Variants in LHFPL3 observed in about 807,000 individuals in gnomAD.
The protein encoded by LHFPL3 is LHFPL tetraspan subfamily member 3 protein.
A neutral mutation model predicts 19.3 loss-of-function variants in LHFPL3; 5 were observed. The ratio of observed to expected loss-of-function variants is 0.26; its 90% CI spans 0.14 to 0.54. The LOEUF (loss-of-function observed/expected upper bound fraction) is 0.54. Ranked by LOEUF, LHFPL3 falls within the 20% of genes least tolerant of loss-of-function variation. The pLI is 0.94. For synonymous variants in LHFPL3, 133 were observed against 126.2 expected, an observed-to-expected ratio of 1.05 and a Z score of -0.36; for missense variants, 249 against 307.4, an observed-to-expected ratio of 0.81 and a Z score of 1.42.
intron 2 of LHFPL3, among the ~76,000 whole-genome samples, chr7:104,834,014 G>A (rs538886967): frequency 8.0e-5 from 12 of 149,452 alleles, no homozygotes; most frequent in East Asian, 6.1e-4. Flanking sequence ...TTTAGAGTCC[G>A]ATGTTTGAGG....
At chr7:104,793,349 A>G (rs1488814887) in intron 2 of LHFPL3, among the ~76,000 whole-genome samples, 2 of 152,232 alleles carry the variant, frequency 1.3e-5, no homozygotes, top group Non-Finnish European at 2.9e-5. Context: ...TTAAATCAAC[A>G]TGAAAGCAGG....
intron 1 of LHFPL3, among the ~76,000 whole-genome samples, chr7:104,490,990 A>G (rs2115691650): frequency 6.6e-6 from 1 of 152,238 alleles, no homozygotes. Context: ...CTAGGCTTCC[A>G]AGTTCCTGTA....
intron 1 of LHFPL3, among the ~76,000 whole-genome samples, chr7:104,331,421 G>A (rs1482693358): frequency 6.6e-6 from 1 of 151,862 alleles, no homozygotes; most frequent in East Asian, 1.9e-4. Flanking sequence ...TTTATTTCTA[G>A]GTAAACTATA....
Position 104,407,628 on chromosome 7 carries a change from C to T in LHFPL3, c.445+78404C>T, listed in dbSNP as rs543396354. 2.4e-4 allele frequency among the ~76,000 whole-genome samples: 37 copies of T among 152,264 alleles called. No homozygotes were observed. The South Asian group carries it at 7.5e-3, about 31-fold the overall frequency. ...CTGAGATTGCGCCATTGCACTCCAG[C>T]CTGGGCGACAAGAGTGAAACTCTGT... On this transcript the variant is annotated intron_variant, in intron 1 of 2. Coordinates refer to ENST00000424859, the MANE Select transcript of LHFPL3 (RefSeq NM_199000.3).
At chr7:104,739,274 A>G (rs931736863) in intron 2 of LHFPL3, among the ~76,000 whole-genome samples, 1 of 152,186 alleles carries the variant, frequency 6.6e-6, no homozygotes, top group Non-Finnish European at 1.5e-5. Flanking sequence ...ATTGTTTGGT[A>G]TTATTTAAAC....
chr7:104,869,212 T>C (rs1451511678), intron 2 of LHFPL3, among the ~76,000 whole-genome samples: 7 of 152,084 alleles, frequency 4.6e-5, no homozygotes, highest in Admixed American at 1.3e-4. Context: ...CCAAAAGCAA[T>C]GGCAACAAAA....
chr7:104,408,215 G>A (rs1459249190), intron 1 of LHFPL3, among the ~76,000 whole-genome samples: 1 of 152,034 alleles, frequency 6.6e-6, no homozygotes, highest in African/African-American at 2.4e-5. Context: ...TTCTTTTCTG[G>A]CTTTAACAGT....
chr7:104,645,232 T>G (rs1255395090), intron 1 of LHFPL3, among the ~76,000 whole-genome samples: 1 of 152,228 alleles, frequency 6.6e-6, no homozygotes, highest in Non-Finnish European at 1.5e-5. Context: ...CTCTGTTTAA[T>G]GATGCATTTC....
intron 1 of LHFPL3, among the ~76,000 whole-genome samples, chr7:104,361,843 G>A (rs145194291): frequency 1.3e-3 from 200 of 152,220 alleles, no homozygotes; most frequent in African/African-American, 4.3e-3. Flanking sequence ...AAATCTATCC[G>A]GATTAAAAAA....
intron 2 of LHFPL3, among the ~76,000 whole-genome samples, chr7:104,814,633 C>T (rs534706528): frequency 7.8e-4 from 119 of 152,322 alleles, no homozygotes; most frequent in Non-Finnish European, 1.3e-3. Context: ...CTCCCTCTGC[C>T]TTTCATGACA....
intron 2 of LHFPL3, among the ~76,000 whole-genome samples, chr7:104,858,268 C>T (rs764738851): frequency 7.9e-5 from 12 of 152,142 alleles, no homozygotes; most frequent in Non-Finnish European, 1.8e-4. Flanking sequence ...GATCCCCTCT[C>T]GAAGGTAAAT....
intron 1 of LHFPL3, among the ~76,000 whole-genome samples, chr7:104,421,063 G>T (rs55762451): frequency 0.11 from 16,186 of 152,118 alleles, 1,016 homozygotes; most frequent in East Asian, 0.26. Context: ...ATTTGTTGAT[G>T]GAAACATAAG....
At chr7:104,458,968 A>G (rs1159684166) in intron 1 of LHFPL3, among the ~76,000 whole-genome samples, 1 of 152,148 alleles carries the variant, frequency 6.6e-6, no homozygotes, top group Middle Eastern at 3.2e-3. Context: ...GTGGGAAAGG[A>G]TCTTGGCACC....
intron 1 of LHFPL3, among the ~76,000 whole-genome samples, chr7:104,543,334 A>G (rs1794523774): frequency 1.3e-5 from 2 of 152,100 alleles, no homozygotes; most frequent in South Asian, 4.2e-4. Flanking sequence ...AACTAGTTCA[A>G]CCATTGTGGA....
chr7:104,469,561 C>T (rs1231742249), intron 1 of LHFPL3, among the ~76,000 whole-genome samples: 1 of 152,118 alleles, frequency 6.6e-6, no homozygotes. Context: ...CAGTGGGTGG[C>T]CACACAACTG....
chr7:104,376,535 G>C (rs148543453), intron 1 of LHFPL3, among the ~76,000 whole-genome samples: 1 of 152,322 alleles, frequency 6.6e-6, no homozygotes, highest in East Asian at 1.9e-4. Flanking sequence ...TAATGTCCCT[G>C]CTACTTTTTA....
At chr7:104,465,389 A>G (rs1355533571) in intron 1 of LHFPL3, among the ~76,000 whole-genome samples, 1 of 152,064 alleles carries the variant, frequency 6.6e-6, no homozygotes, top group African/African-American at 2.4e-5. Flanking sequence ...TTGATTCCAC[A>G]TTTTCGGGTA....
intron 1 of LHFPL3, among the ~76,000 whole-genome samples, chr7:104,420,347 G>A (rs1326987108): frequency 6.6e-6 from 1 of 152,180 alleles, no homozygotes; most frequent in Non-Finnish European, 1.5e-5. Context: ...GAACAGCTAT[G>A]ACTGTCCACT....
At chr7:104,802,616 T>G (rs569544680) in intron 2 of LHFPL3, among the ~76,000 whole-genome samples, 1 of 152,264 alleles carries the variant, frequency 6.6e-6, no homozygotes, top group Admixed American at 6.5e-5. Flanking sequence ...TGCTAGCACT[T>G]TGATCTTGGA....
Sources: gnomAD v4.1 joint callset for allele counts (sites outside exome capture counted in the v4.1 genomes callset) on GRCh38, gnomAD v4.1.1 for gene constraint, MANE v1.5 for transcripts, NCBI Gene and HGNC (gene_info 2026-07-23, HGNC 2026-07-21) for gene names.